TTC3: variants seen among roughly 807,000 people sequenced by gnomAD.
TTC3 encodes tetratricopeptide repeat domain 3.
In TTC3, 180 loss-of-function variants were observed where a neutral mutation model predicts 249.6. The ratio of observed to expected loss-of-function variants is 0.72; its 90% confidence interval spans 0.64 to 0.82. TTC3 has a LOEUF of 0.82. Ranked by LOEUF, TTC3 falls within the 40% of genes least tolerant of loss-of-function variation. TTC3 has a pLI of 0.00. For missense variants in TTC3, 2,061 were observed against 2,398.4 expected (o/e 0.86, Z 2.94); for synonymous variants, 717 against 805.0 (o/e 0.89, Z 1.85).
rs113461593 is a variant in TTC3 at position 37,197,878 on chromosome 21, G to C, written c.5707-4G>C. ...CCTCCCCGCCACCCCTGTTATTTTC[G>C]CAGCCAAACCCAGGAAAGGACAAGA... On this transcript the variant is annotated splice_region_variant and splice_polypyrimidine_tract_variant and intron_variant, in intron 43 of 45. Transcript: ENST00000355666. 2.5e-6 allele frequency: 4 copies of C among 1,608,384 alleles called. No individual in the cohort carries two copies. The highest frequency in any genetic ancestry group is 1.7e-5 in the Admixed American group (1 of 58,350).
At chr21:37,097,046 T>C (rs1188801928) in intron 10 of TTC3, among the ~76,000 whole-genome samples, 2 of 152,212 alleles carry the variant, frequency 1.3e-5, no homozygotes, top group African/African-American at 4.8e-5. Context: ...TTATGCTCTG[T>C]TAATTAATCC....
In TTC3 at chr21:37,088,890, A is replaced by G. The variant is rs756117634; in HGVS notation, c.426+4A>G. 18 of 1,613,202 alleles carry G rather than the reference A, an allele frequency of 1.1e-5. No individual in the cohort carries two copies. Among genetic ancestry groups the G allele is most frequent in the African/African-American group, 1.3e-5 (1 of 74,916 alleles). ...GGATTTGGCAAAGAAAGTTGCTGTA[A>G]GTGGTAGAATGTAGGTTCCCCCGAG... On this transcript the variant is annotated splice_donor_region_variant and intron_variant, in intron 5 of 45. Transcript: ENST00000355666.
chr21:37,155,761 C>T (rs1378987905), intron 27 of TTC3, among the ~76,000 whole-genome samples: 1 of 152,148 alleles, frequency 6.6e-6, no homozygotes, highest in African/African-American at 2.4e-5. Context: ...TTGTAGTCAC[C>T]TGTTTTCTAA....
chr21:37,082,482 A>T, intron 1 of TTC3: 1 of 985,298 alleles, frequency 1.0e-6, no homozygotes, highest in Non-Finnish European at 1.2e-6. Flanking sequence ...CATTTCTATC[A>T]GCTTTGTCTG....
At chr21:37,201,625 C>T (rs777628532) in exon 46 of TTC3, 44 of 1,579,224 alleles carry the variant, frequency 2.8e-5, no homozygotes, top group South Asian at 2.0e-4. Flanking sequence ...CGAAGAATGA[C>T]AATTTTCTAC....
At chr21:37,150,583 G>T (rs569749204) in intron 24 of TTC3, among the ~76,000 whole-genome samples, 1 of 152,206 alleles carries the variant, frequency 6.6e-6, no homozygotes, top group African/African-American at 2.4e-5. Context: ...TTATTAGATC[G>T]TCTGCTTACT....
intron 5 of TTC3, among the ~76,000 whole-genome samples, 181 bp from the exon 6 acceptor site, chr21:37,090,052 G>T (rs978953681): frequency 6.6e-6 from 1 of 152,056 alleles, no homozygotes; most frequent in Non-Finnish European, 1.5e-5. Flanking sequence ...CCCTATTGGA[G>T]ACTATTTTGG....
At chr21:37,101,638 A>G (rs2074516349) in intron 10 of TTC3, among the ~76,000 whole-genome samples, 1 of 152,188 alleles carries the variant, frequency 6.6e-6, no homozygotes, top group Non-Finnish European at 1.5e-5. Context: ...TTTTATGCCT[A>G]TACAAGCATT....
chr21:37,147,846 A>G (rs1045202105), intron 22 of TTC3, among the ~76,000 whole-genome samples: 2 of 151,730 alleles, frequency 1.3e-5, no homozygotes, highest in Admixed American at 6.6e-5. Context: ...CTCCTGCCTC[A>G]GCCTCCCAAG....
chr21:37,098,611 A>G (rs1568906996), intron 10 of TTC3: 2 of 152,148 alleles, frequency 1.3e-5, no homozygotes, highest in Non-Finnish European at 1.5e-5. Flanking sequence ...GCAATCACCA[A>G]TATATATTGG....
exon 33 of TTC3, chr21:37,166,445 T>C (rs1359653704): frequency 1.1e-5 from 17 of 1,614,164 alleles, no homozygotes; most frequent in Admixed American, 1.7e-5. Flanking sequence ...TGAGGGCTCT[T>C]TGGGAATATC....
intron 12 of TTC3, 71 bp downstream of exon 12, chr21:37,122,050 A>G: frequency 7.1e-7 from 1 of 1,404,678 alleles, no homozygotes; most frequent in South Asian, 1.5e-5. Flanking sequence ...GGTTTCTTGG[A>G]TTAACAGAGG....
At chr21:37,080,639 CTT>C (rs1411031884) in intron 1 of TTC3, among the ~76,000 whole-genome samples, 1 of 152,118 alleles carries the variant, frequency 6.6e-6, no homozygotes, top group Non-Finnish European at 1.5e-5. Context: ...TATTTTGAGA[CTT>C]TTATTAGCTA....
At chr21:37,160,663 C>A in intron 29 of TTC3, 139 bp from the exon 30 acceptor site, 1 of 802,562 alleles carries the variant, frequency 1.2e-6, no homozygotes, top group Non-Finnish European at 2.0e-6. Context: ...TGGGCTGATA[C>A]ACTGTAGTGT....
intron 27 of TTC3, among the ~76,000 whole-genome samples, chr21:37,155,704 A>G (rs1213944730): frequency 6.6e-6 from 1 of 152,218 alleles, no homozygotes; most frequent in Non-Finnish European, 1.5e-5. Context: ...CTGGCTGTTC[A>G]TCAGGAGTGG....
At chr21:37,168,252 A>G (rs2081419801) in intron 34 of TTC3, among the ~76,000 whole-genome samples, 1 of 152,180 alleles carries the variant, frequency 6.6e-6, no homozygotes, top group Non-Finnish European at 1.5e-5. Flanking sequence ...ATGGTAAAAC[A>G]TCACCATTAA....
At chr21:37,153,249 C>A (rs779431535) in exon 27 of TTC3, 2 of 1,612,620 alleles carry the variant, frequency 1.2e-6, no homozygotes, top group African/African-American at 2.7e-5. Flanking sequence ...CCAAATTAGC[C>A]GCCTGGATCC....
chr21:37,133,202 T>C (rs1161034766), intron 17 of TTC3, among the ~76,000 whole-genome samples: 1 of 152,214 alleles, frequency 6.6e-6, no homozygotes, highest in East Asian at 1.9e-4. Flanking sequence ...ATACTTATTC[T>C]AAAATCATTA....
At position 37,160,927 on chromosome 21, in the gene TTC3, G is replaced by C; in HGVS notation, c.3096+69G>C. 2.1e-6 allele frequency: 3 copies of C among 1,438,416 alleles called. No homozygotes were observed. In the African/African-American group the frequency reaches 4.3e-5, roughly 21 times the overall value. The allele number at this position is 1,438,416 out of a possible 1,614,324, so 89.1% of individuals were successfully genotyped here. On this transcript the variant is annotated intron_variant, in intron 30 of 45. Transcript: ENST00000355666. ...AATAGTTAGTTGGACATATACATTA[G>C]AATTGAGCAATTCTTGGGATATTTT...
Sources: allele counts gnomAD v4.1 joint callset (sites outside exome capture counted in the v4.1 genomes callset), GRCh38; gene constraint gnomAD v4.1.1; transcripts MANE v1.5; gene names NCBI Gene and HGNC (gene_info 2026-07-23, HGNC 2026-07-21).